CD99: variants seen among roughly 807,000 people sequenced by gnomAD.
CD99 encodes CD99 antigen.
A neutral mutation model predicts 28.4 loss-of-function variants in CD99; 19 were observed. That is an observed-to-expected ratio of 0.67 (90% CI 0.47 to 0.98). The LOEUF (loss-of-function observed/expected upper bound fraction) is 0.98, where lower values mean the gene tolerates loss of function less well. Ranked by LOEUF, CD99 falls within the 50% of genes least tolerant of loss-of-function variation. The pLI, the probability that CD99 is intolerant of heterozygous loss-of-function variation, is 0.00. For synonymous variants in CD99, 103 were observed against 92.1 expected (o/e 1.12, Z -0.67); for missense variants, 283 against 248.8 (o/e 1.14, Z -0.92).
At chrX:2,720,620 C>CTTT (rs71281938) in intron 5 of CD99, among the ~76,000 whole-genome samples, 196 bp downstream of exon 5, 1,419 of 83,882 alleles carry the variant, frequency 0.017, 44 homozygotes, top group African/African-American at 0.027. Context: ...TTTTAGTTTG[C>CTTT]TTTTTTTTTT....
intron 9 of CD99, among the ~76,000 whole-genome samples, chrX:2,740,262 G>A (rs1340020178): frequency 2.6e-5 from 4 of 152,166 alleles, no homozygotes; most frequent in African/African-American, 9.7e-5. Flanking sequence ...GTATATGTGT[G>A]TGGAGCCCTC....
intron 6 of CD99, 71 bp from the exon 7 acceptor site, chrX:2,723,243 T>C: frequency 1.3e-6 from 2 of 1,514,494 alleles, no homozygotes; most frequent in Non-Finnish European, 1.8e-6. Flanking sequence ...CCCAGCCTCT[T>C]CACGGTCCTG....
At chrX:2,721,962 T>G (rs1216476671) in intron 5 of CD99, among the ~76,000 whole-genome samples, 1 of 152,216 alleles carries the variant, frequency 6.6e-6, no homozygotes, top group Admixed American at 6.5e-5. Context: ...TTGACCTGGT[T>G]GTTAATTTGC....
chrX:2,716,490 C>A (rs2048725970), intron 2 of CD99, among the ~76,000 whole-genome samples: 2 of 152,076 alleles, frequency 1.3e-5, no homozygotes, highest in Admixed American at 6.6e-5. Flanking sequence ...GCATGTGCCA[C>A]CTCACCTGGT....
chrX:2,729,081 C>T (rs2049454714), intron 8 of CD99, among the ~76,000 whole-genome samples: 1 of 152,134 alleles, frequency 6.6e-6, no homozygotes, highest in Non-Finnish European at 1.5e-5. Flanking sequence ...TTCCCCCCCG[C>T]AATCTTGGCC....
chrX:2,734,667 GC>G (rs2049843262), intron 8 of CD99, among the ~76,000 whole-genome samples: 1 of 125,368 alleles, frequency 8.0e-6, no homozygotes, highest in African/African-American at 3.0e-5. Context: ...TTTCCTTTTT[GC>G]TTTTTCTTTT....
intron 3 of CD99, chrX:2,719,424 T>G: frequency 1.8e-6 from 1 of 555,006 alleles, no homozygotes; most frequent in South Asian, 2.8e-5. Context: ...TCTGAGAGCT[T>G]CTCTCCTAGC....
intron 8 of CD99, among the ~76,000 whole-genome samples, chrX:2,727,777 A>G (rs2049371851): frequency 6.6e-6 from 1 of 152,062 alleles, no homozygotes; most frequent in African/African-American, 2.4e-5. Context: ...ACACCTGGCC[A>G]ACAGCTACTG....
intron 8 of CD99, among the ~76,000 whole-genome samples, chrX:2,731,316 G>A (rs764693778): frequency 6.0e-4 from 92 of 152,314 alleles, no homozygotes; most frequent in African/African-American, 2.1e-3. Context: ...TGGGCCAGGC[G>A]CGGTGGCTTA....
intron 8 of CD99, among the ~76,000 whole-genome samples, chrX:2,731,642 C>G (rs1019030850): frequency 1.3e-5 from 2 of 152,090 alleles, no homozygotes; most frequent in South Asian, 2.1e-4. Context: ...TACTGTTATT[C>G]TACCAGACAG....
At chrX:2,709,181 A>T (rs1278965749) in intron 1 of CD99, among the ~76,000 whole-genome samples, 1 of 81,166 alleles carries the variant, frequency 1.2e-5, no homozygotes, top group Non-Finnish European at 4.2e-5. Context: ...ACACATGTGC[A>T]TGCACACATA....
chrX:2,737,635 T>C (rs2050011781), intron 8 of CD99, among the ~76,000 whole-genome samples: 1 of 147,272 alleles, frequency 6.8e-6, no homozygotes. Context: ...GCTGGGAGTA[T>C]AGGTGCACGC....
chrX:2,713,241 C>T (rs1331300664), intron 1 of CD99, among the ~76,000 whole-genome samples: 3 of 151,892 alleles, frequency 2.0e-5, no homozygotes, highest in African/African-American at 7.3e-5. Flanking sequence ...CAGAAACACA[C>T]CTACACACTG....
intron 8 of CD99, among the ~76,000 whole-genome samples, chrX:2,734,033 C>G (rs909987530): frequency 2.6e-5 from 4 of 152,146 alleles, no homozygotes; most frequent in Non-Finnish European, 5.9e-5. Context: ...GTGGTCAGGT[C>G]CCTATTCACA....
At chrX:2,727,306 C>T (rs1204267089) in intron 8 of CD99, 1 of 779,308 alleles carries the variant, frequency 1.3e-6, no homozygotes, top group Non-Finnish European at 2.4e-6. Context: ...AGCTGGCAGG[C>T]TCTTTGGGAC....
At chrX:2,714,511 A>G in intron 2 of CD99, 57 bp downstream of exon 2, 1 of 1,371,216 alleles carries the variant, frequency 7.3e-7, no homozygotes, top group Non-Finnish European at 1.0e-6. Context: ...AACATAGTAT[A>G]TACAGGCATA....
At chrX:2,732,307 G>A (rs1306671456) in intron 8 of CD99, among the ~76,000 whole-genome samples, 4 of 152,116 alleles carry the variant, frequency 2.6e-5, no homozygotes, top group African/African-American at 7.2e-5. Context: ...CCCAGCTTCC[G>A]TGGCTGGCAA....
chrX:2,723,454 G>C, intron 7 of CD99, 90 bp downstream of exon 7: 1 of 1,446,600 alleles, frequency 6.9e-7, no homozygotes. Flanking sequence ...GACTGCACTG[G>C]CATTGGCCTC....
intron 7 of CD99, among the ~76,000 whole-genome samples, chrX:2,725,097 A>AT: frequency 6.8e-6 from 1 of 147,636 alleles, no homozygotes; most frequent in South Asian, 2.1e-4. Context: ...CTGGAATAAC[A>AT]TAAAAAAAAA....
Sources: allele counts gnomAD v4.1 joint callset (sites outside exome capture counted in the v4.1 genomes callset), GRCh38; gene constraint gnomAD v4.1.1; transcripts MANE v1.5; gene names NCBI Gene and HGNC (gene_info 2026-07-23, HGNC 2026-07-21).